CDH4: variants seen among roughly 807,000 people sequenced by gnomAD.
The protein encoded by CDH4 is cadherin-4.
A neutral mutation model predicts 86.0 loss-of-function variants in CDH4; 33 were observed. That is an observed-to-expected ratio of 0.38 (90% CI 0.29 to 0.51). CDH4 has a LOEUF of 0.51. Among genes scored for constraint, CDH4 ranks in the 20% least tolerant of loss-of-function variants. The pLI is 0.86. For synonymous variants in CDH4, 555 were observed against 549.4 expected (o/e 1.01, Z -0.14); for missense variants, 1,114 against 1,307.4 (o/e 0.85, Z 2.28).
chr20:61,656,266 CGCGTGCTGGGGTGG>C (rs1466881004), intron 2 of CDH4, among the ~76,000 whole-genome samples: 6 of 116,950 alleles, frequency 5.1e-5, no homozygotes, highest in Admixed American at 8.8e-5. Flanking sequence ...GGTGGGCAGG[CGCGTGCTGGGGTGG>C]GCAGGCGCGT....
At chr20:61,261,662 T>G (rs552926823) in intron 2 of CDH4, among the ~76,000 whole-genome samples, 2 of 152,290 alleles carry the variant, frequency 1.3e-5, no homozygotes, top group South Asian at 4.2e-4. Context: ...TATCTCCAAA[T>G]TAATGTTAAA....
intron 4 of CDH4, among the ~76,000 whole-genome samples, chr20:61,773,652 G>A (rs965745730): frequency 3.9e-5 from 6 of 152,140 alleles, no homozygotes; most frequent in East Asian, 3.9e-4. Context: ...TGCTTTTACC[G>A]CAGAAATAAT....
At position 61,929,625 on chromosome 20, in the gene CDH4, C is replaced by A. The variant is rs2055083252; in HGVS notation, c.2022C>A (p.Leu674=). 1.2e-6 allele frequency: 2 copies of A among 1,613,672 alleles called. No homozygotes were observed. The highest frequency in any genetic ancestry group is 3.3e-5 in the Admixed American group (2 of 60,000). ...TTGCACCAGGTGACTATGCCCAACT[C>A]AGCTTGCGCATCCTGTACCTGGAGG... ...ITRLNGDYAQ[L]SLRILYLEAG... The change falls in exon 13 of 16, where the codon CTC becomes CTA. Residue 674 remains leucine, a synonymous_variant. Transcript: ENST00000614565.
At chr20:61,325,187 A>G (rs2084530162) in intron 2 of CDH4, among the ~76,000 whole-genome samples, 1 of 151,772 alleles carries the variant, frequency 6.6e-6, no homozygotes, top group South Asian at 2.1e-4. Context: ...CATTTTTGCA[A>G]CATCCTTCGG....
At chr20:61,934,284 A>AACAC in intron 15 of CDH4, 64 bp downstream of exon 15, 1 of 1,472,888 alleles carries the variant, frequency 6.8e-7, no homozygotes, top group Non-Finnish European at 9.1e-7. Flanking sequence ...AAATTCTGGT[A>AACAC]ACACACACAG....
At chr20:61,820,834 AGG>A (rs1465311626) in intron 4 of CDH4, among the ~76,000 whole-genome samples, 1 of 152,144 alleles carries the variant, frequency 6.6e-6, no homozygotes, top group Non-Finnish European at 1.5e-5. Context: ...CAAGGCAGCC[AGG>A]CAGGGAGGCT....
intron 2 of CDH4, among the ~76,000 whole-genome samples, chr20:61,694,452 G>A (rs536745641): frequency 6.6e-6 from 1 of 152,260 alleles, no homozygotes; most frequent in South Asian, 2.1e-4. Flanking sequence ...TTTGACTGAG[G>A]GAAATGAGGA....
At chr20:61,812,898 A>C (rs1980511348) in intron 4 of CDH4, among the ~76,000 whole-genome samples, 5 of 152,166 alleles carry the variant, frequency 3.3e-5, no homozygotes, top group Admixed American at 2.6e-4. Context: ...ATGAGGAAAA[A>C]TCACAGCCGC....
chr20:61,616,021 C>T (rs974768112), intron 2 of CDH4, among the ~76,000 whole-genome samples: 7 of 152,350 alleles, frequency 4.6e-5, no homozygotes, highest in Admixed American at 2.0e-4. Flanking sequence ...GCTGCTGAGC[C>T]GCCTCGTGGC....
chr20:61,373,084 G>C (rs953308403), intron 2 of CDH4, among the ~76,000 whole-genome samples: 1 of 152,214 alleles, frequency 6.6e-6, no homozygotes, highest in African/African-American at 2.4e-5. Context: ...TTGGCTTCCA[G>C]AGCCCACATT....
chr20:61,713,362 G>A (rs368410548), intron 2 of CDH4, among the ~76,000 whole-genome samples: 19 of 152,168 alleles, frequency 1.2e-4, no homozygotes, highest in Admixed American at 2.6e-4. Flanking sequence ...TGGGGGTCCC[G>A]TGCAAGCAGC....
chr20:61,308,491 TC>T (rs904636601), intron 2 of CDH4, among the ~76,000 whole-genome samples: 2 of 152,206 alleles, frequency 1.3e-5, no homozygotes, highest in African/African-American at 4.8e-5. Flanking sequence ...TTAATCTCTG[TC>T]CACCTGCAAA....
intron 7 of CDH4, among the ~76,000 whole-genome samples, chr20:61,882,681 T>A (rs1203320500): frequency 3.9e-5 from 6 of 152,076 alleles, no homozygotes; most frequent in Admixed American, 3.9e-4. Flanking sequence ...GAGAAATACT[T>A]CCTCTAGGTC....
chr20:61,267,367 C>T (rs1438906305), intron 2 of CDH4, among the ~76,000 whole-genome samples: 1 of 152,124 alleles, frequency 6.6e-6, no homozygotes. Context: ...TCCGATTCCC[C>T]AGGGGCTGCA....
At chr20:61,424,515 A>G (rs1457640549) in intron 2 of CDH4, among the ~76,000 whole-genome samples, 1 of 152,190 alleles carries the variant, frequency 6.6e-6, no homozygotes, top group Non-Finnish European at 1.5e-5. Flanking sequence ...CACACAGCAC[A>G]CACATATTCA....
chr20:61,686,691 ATGTG>A lies in CDH4; in HGVS notation c.170-56868_170-56865del, dbSNP rs113494257. Among the ~76,000 whole-genome samples the A allele has an allele frequency of 7.1e-3, 998 of 141,060 alleles. 11 individuals carry two copies. Among genetic ancestry groups the A allele is most frequent in the South Asian group, 0.022 (95 of 4,358 alleles). The allele number at this position is 141,060 out of a possible 152,430, so 92.5% of individuals were successfully genotyped here. A position where few individuals can be genotyped will look rare whatever the true frequency, so the allele number is the denominator to read the frequency against. ...TATGTGCGTGTGCATTTGTGTGTGC[ATGTG>A]TGTATGTGCGTGTGCATTCCCGTGT... On this transcript the variant is annotated intron_variant, in intron 2 of 15. Transcript: ENST00000614565.
intron 2 of CDH4, among the ~76,000 whole-genome samples, chr20:61,629,183 T>C (rs2086859822): frequency 6.6e-6 from 1 of 152,240 alleles, no homozygotes; most frequent in Admixed American, 6.5e-5. Flanking sequence ...GCTTGTCTTG[T>C]GAAGCAGGTC....
At chr20:61,537,155 G>C (rs973676738) in intron 2 of CDH4, among the ~76,000 whole-genome samples, 4 of 152,208 alleles carry the variant, frequency 2.6e-5, no homozygotes, top group Non-Finnish European at 2.9e-5. Flanking sequence ...CATTGCTTTT[G>C]ACTGTTCACT....
intron 2 of CDH4, among the ~76,000 whole-genome samples, chr20:61,265,148 A>G (rs4812287): frequency 2.1e-5 from 3 of 144,486 alleles, no homozygotes; most frequent in Non-Finnish European, 4.6e-5. Context: ...CCTACACATA[A>G]CTCAGTGGTT....
Sources: gnomAD v4.1 joint callset for allele counts (sites outside exome capture counted in the v4.1 genomes callset) on GRCh38, gnomAD v4.1.1 for gene constraint, MANE v1.5 for transcripts, NCBI Gene and HGNC (gene_info 2026-07-23, HGNC 2026-07-21) for gene names.